The following CRMP1 variants were observed in gnomAD, a reference collection of about 807,000 sequenced individuals.
CRMP1 encodes collapsin response mediator protein 1, also known as dihydropyrimidinase-related protein 1.
A neutral mutation model predicts 68.3 loss-of-function variants in CRMP1; 19 were observed. The ratio of observed to expected loss-of-function variants is 0.28; its 90% CI spans 0.19 to 0.41. The LOEUF (loss-of-function observed/expected upper bound fraction) is 0.41. CRMP1 is among the 10% of genes least tolerant of loss of function. The probability of loss-of-function intolerance (pLI) is 1.00; values close to 1 mark genes in which losing one functional copy is unlikely to be tolerated. For synonymous variants in CRMP1, 439 were observed against 399.6 expected, an observed-to-expected ratio of 1.10 and a Z score of -1.18; for missense variants, 791 against 967.4, an observed-to-expected ratio of 0.82 and a Z score of 2.42.
Position 5,853,282 on chromosome 4 carries a change from A to G in CRMP1, c.821-1813T>C, listed in dbSNP as rs931011268. ...ACAAAAATTAGCCGGGTGTGGTGGC[A>G]GGTGCCTGTAATCCAAGCTACTTGG... On this transcript the variant is annotated intron_variant, in intron 4 of 13. Coordinates refer to ENST00000324989, the MANE Select transcript of CRMP1 (RefSeq NM_001014809.3). This position sits in a 1 kb window ranked among gnomAD's most constrained non-coding sequence, Gnocchi z 4.7. Among the ~76,000 whole-genome samples, 2 of 152,242 alleles carry G rather than the reference A, an allele frequency of 1.3e-5. No homozygotes were observed. The highest frequency in any genetic ancestry group is 4.1e-4 in the South Asian group (2 of 4,820).
intron 1 of CRMP1, among the ~76,000 whole-genome samples, chr4:5,885,297 T>A (rs1014378940): frequency 6.6e-6 from 1 of 152,128 alleles, no homozygotes; most frequent in Non-Finnish European, 1.5e-5. Context: ...ATCCCCACTG[T>A]GCAGATGAGA....
intron 1 of CRMP1, among the ~76,000 whole-genome samples, chr4:5,876,258 A>C (rs1236218087): frequency 2.6e-5 from 4 of 152,094 alleles, no homozygotes; most frequent in Non-Finnish European, 5.9e-5. Flanking sequence ...AGTACATTTC[A>C]GTGTTGGTAG....
intron 1 of CRMP1, among the ~76,000 whole-genome samples, chr4:5,875,988 T>C (rs1191666978): frequency 6.6e-6 from 1 of 151,746 alleles, no homozygotes; most frequent in Non-Finnish European, 1.5e-5. Flanking sequence ...CCGTCTCTAC[T>C]AAAAAATACA....
At chr4:5,862,861 G>A (rs1267509525) in intron 2 of CRMP1, among the ~76,000 whole-genome samples, 1 of 152,152 alleles carries the variant, frequency 6.6e-6, no homozygotes, top group Non-Finnish European at 1.5e-5. Context: ...CTGGAGTACA[G>A]TGGTACAGGT....
intron 13 of CRMP1, chr4:5,824,772 C>A: frequency 1.0e-6 from 1 of 983,656 alleles, no homozygotes. Context: ...GCACGGTGTG[C>A]AACCCATGCA....
chr4:5,828,441 T>C (rs766291171), intron 12 of CRMP1, 48 bp downstream of exon 12: 3 of 1,591,948 alleles, frequency 1.9e-6, no homozygotes, highest in Non-Finnish European at 2.6e-6. Flanking sequence ...AGAGACGCTG[T>C]CGGCTCTGGT....
rs1388730410 is a variant in CRMP1 at position 5,864,463 on chromosome 4, A to G, written c.470+2205T>C. On this transcript the variant is annotated intron_variant, in intron 2 of 13. Coordinates refer to ENST00000324989, the MANE Select transcript of CRMP1 (RefSeq NM_001014809.3). ...CTGCCTTCCTGACCATTCGGGATCCAGGTGCCCTGAGGCTGACAGGAGCAT... is the reference window on the plus strand; with the variant it reads ...CTGCCTTCCTGACCATTCGGGATCCGGGTGCCCTGAGGCTGACAGGAGCAT... Among the ~76,000 whole-genome samples the G allele has an allele frequency of 2.4e-4, 36 of 152,232 alleles. 1 individual carries two copies. The highest frequency in any genetic ancestry group is 2.4e-3 in the Admixed American group (36 of 15,286).
Position 5,860,127 on chromosome 4 carries a change from CT to C in CRMP1, c.655+898del, listed in dbSNP as rs1298198060. 6.6e-6 allele frequency among the ~76,000 whole-genome samples: 1 copy of C among 152,148 alleles called. No homozygotes were observed. The highest frequency in any genetic ancestry group is 1.5e-5 in the Non-Finnish European group (1 of 68,038). ...CGCAGTGTTTCCTTCCCTCCCCAAC[CT>C]CACCAGGGCTCTCTGTGGCACAGTG... On this transcript the variant is annotated intron_variant, in intron 3 of 13. Coordinates refer to ENST00000324989, the MANE Select transcript of CRMP1 (RefSeq NM_001014809.3). The surrounding 1 kb of genome is among the most constrained non-coding windows in gnomAD (Gnocchi z 4.2).
chr4:5,885,378 G>A (rs1715510012), intron 1 of CRMP1, among the ~76,000 whole-genome samples: 1 of 152,162 alleles, frequency 6.6e-6, no homozygotes, highest in African/African-American at 2.4e-5. Flanking sequence ...GAAGCTGAGA[G>A]CTATGCCTGC....
intron 11 of CRMP1, among the ~76,000 whole-genome samples, chr4:5,831,470 G>A (rs896639692): frequency 3.9e-5 from 6 of 152,148 alleles, no homozygotes; most frequent in African/African-American, 1.2e-4. Context: ...CAGACAGTGC[G>A]TTTCCAGTGT....
chr4:5,841,436 C>T lies in CRMP1; in HGVS notation c.1033-8G>A, dbSNP rs41269567. On this transcript the variant is annotated splice_region_variant and splice_polypyrimidine_tract_variant and intron_variant, in intron 7 of 13. Transcript: ENST00000324989. The surrounding 1 kb of genome is among the most constrained non-coding windows in gnomAD (Gnocchi z 6.9). Reference sequence around the variant, plus strand: ...CACCGCCTCGGCCTCCAGCTGAACACGGCACACACAGTGTCACAGGAGGGA... The same window carrying T: ...CACCGCCTCGGCCTCCAGCTGAACATGGCACACACAGTGTCACAGGAGGGA... 82,037 of 1,613,808 alleles carry T rather than the reference C, an allele frequency of 0.051. 2,315 individuals are homozygous for T. Among genetic ancestry groups the T allele is most frequent in the African/African-American group, 0.09 (6,748 of 75,008 alleles).
In CRMP1 at chr4:5,889,103, A is replaced by G. The variant is rs1317541587; in HGVS notation, c.381+3486T>C. Among the ~76,000 whole-genome samples the G allele has an allele frequency of 6.6e-6, 1 of 151,880 alleles. No individual in the cohort carries two copies. The highest frequency in any genetic ancestry group is 1.5e-5 in the Non-Finnish European group (1 of 67,960). ...TAGACCCATCTCCAATGCCTTCCCC[A>G]CCACGAAGCCTCTCCCTGCCACCCT... On this transcript the variant is annotated intron_variant, in intron 1 of 13. Coordinates refer to ENST00000324989, the MANE Select transcript of CRMP1 (RefSeq NM_001014809.3). This position sits in a 1 kb window ranked among gnomAD's most constrained non-coding sequence, Gnocchi z 4.5.
Position 5,889,559 on chromosome 4 carries a change from A to T in CRMP1, c.381+3030T>A. The T allele has an allele frequency of 6.5e-7, 1 of 1,533,994 alleles. No homozygotes were observed. The highest frequency in any genetic ancestry group is 1.2e-5 in the South Asian group (1 of 84,018). On this transcript the variant is annotated intron_variant, in intron 1 of 13. Coordinates refer to ENST00000324989, the MANE Select transcript of CRMP1 (RefSeq NM_001014809.3). The surrounding 1 kb of genome is among the most constrained non-coding windows in gnomAD (Gnocchi z 4.5). ...TGAAAGAAGATGGAGGAAAAGGGGGAGCCCCAGCAAGCCCCAACCTCACTG... is the reference window on the plus strand; with the variant it reads ...TGAAAGAAGATGGAGGAAAAGGGGGTGCCCCAGCAAGCCCCAACCTCACTG...
In CRMP1 at chr4:5,821,694, C is replaced by A; in HGVS notation, c.*66G>T. 9 of 1,464,274 alleles carry A rather than the reference C, an allele frequency of 6.1e-6. No individual in the cohort carries two copies. Among genetic ancestry groups the A allele is most frequent in the Non-Finnish European group, 8.4e-6 (9 of 1,072,504 alleles). 90.7% of individuals were successfully genotyped at this position (1,464,274 alleles called of 1,614,324 possible). A position where few individuals can be genotyped will look rare whatever the true frequency, so the allele number is the denominator to read the frequency against. Reference sequence around the variant, plus strand: ...ACTAAAACTGTGGGTTTCAAAAACACTGACAGGAAAAGGGATGGACATGAT... The same window carrying A: ...ACTAAAACTGTGGGTTTCAAAAACAATGACAGGAAAAGGGATGGACATGAT... On this transcript the variant is annotated 3_prime_UTR_variant, in exon 14 of 14. Coordinates refer to ENST00000324989, the MANE Select transcript of CRMP1 (RefSeq NM_001014809.3). The surrounding 1 kb of genome is among the most constrained non-coding windows in gnomAD (Gnocchi z 4.4).
At chr4:5,867,458 T>C (rs556810009) in intron 1 of CRMP1, among the ~76,000 whole-genome samples, 38 of 152,338 alleles carry the variant, frequency 2.5e-4, no homozygotes, top group East Asian at 3.9e-4. Flanking sequence ...TTTAAAAAGA[T>C]AGTGAAGAGA....
intron 11 of CRMP1, 129 bp from the exon 12 acceptor site, chr4:5,828,797 CT>C: frequency 8.9e-7 from 1 of 1,118,392 alleles, no homozygotes; most frequent in Non-Finnish European, 1.2e-6. Flanking sequence ...CTAAAAATAC[CT>C]TTTATTGACT....
At chr4:5,822,625 A>G (rs1474887884) in intron 13 of CRMP1, among the ~76,000 whole-genome samples, 1 of 152,174 alleles carries the variant, frequency 6.6e-6, no homozygotes, top group Non-Finnish European at 1.5e-5. Flanking sequence ...AGCTCAACAA[A>G]TATTTATTAA....
rs918163970 is a variant in CRMP1 at position 5,858,398 on chromosome 4, A to G, written c.656-2091T>C. 6.6e-6 allele frequency among the ~76,000 whole-genome samples: 1 copy of G among 151,250 alleles called. No individual in the cohort carries two copies. Among genetic ancestry groups the G allele is most frequent in the Non-Finnish European group, 1.5e-5 (1 of 67,920 alleles). On this transcript the variant is annotated intron_variant, in intron 3 of 13. Coordinates refer to ENST00000324989, the MANE Select transcript of CRMP1 (RefSeq NM_001014809.3). The surrounding 1 kb of genome is among the most constrained non-coding windows in gnomAD (Gnocchi z 5.5). ...ATGAGAATGTCCAAAACCTCATGCA[A>G]TACTCTCCCCACCCCGACCCCAGCT...
Position 5,879,448 on chromosome 4 carries a change from CA to C in CRMP1, c.382-12693del, listed in dbSNP as rs938364196. Among the ~76,000 whole-genome samples, 14 of 152,308 alleles carry C rather than the reference CA, an allele frequency of 9.2e-5. No individual in the cohort carries two copies. The highest frequency in any genetic ancestry group is 2.9e-4 in the African/African-American group (12 of 41,548). On this transcript the variant is annotated intron_variant, in intron 1 of 13. Transcript: ENST00000324989. The surrounding 1 kb of genome is among the most constrained non-coding windows in gnomAD (Gnocchi z 4.2). ...TCATTGTAATATATCTTATTTCCCCCATGAGACTGAAATCCTTGGCACCAGA... is the reference window on the plus strand; with the variant it reads ...TCATTGTAATATATCTTATTTCCCCCTGAGACTGAAATCCTTGGCACCAGA...
Sources: gnomAD v4.1 joint callset for allele counts (sites outside exome capture counted in the v4.1 genomes callset) on GRCh38, gnomAD v4.1.1 for gene constraint, Gnocchi (gnomAD v3.1) non-coding constraint, MANE v1.5 for transcripts, NCBI Gene and HGNC (gene_info 2026-07-23, HGNC 2026-07-21) for gene names.